Variants in NELFB observed in about 807,000 individuals in gnomAD.
The protein encoded by NELFB is negative elongation factor complex member B, also known as negative elongation factor B.
NELFB carries 34 observed loss-of-function variants against 60.2 expected under a neutral mutation model. The observed-to-expected ratio is 0.56, with a 90% CI of 0.43 to 0.75. NELFB has a LOEUF of 0.75. Ranked by LOEUF, NELFB falls within the 30% of genes least tolerant of loss-of-function variation. The probability of loss-of-function intolerance (pLI) is 0.00; values close to 1 mark genes in which losing one functional copy is unlikely to be tolerated. For missense variants in NELFB, 770 were observed against 831.6 expected (o/e 0.93, Z 0.91); for synonymous variants, 459 against 382.1 (o/e 1.20, Z -2.35).
intron 8 of NELFB, 68 bp downstream of exon 8, chr9:137,266,494 GGGAGGCGCTAGCAAGGTGATTGT>G: frequency 7.3e-7 from 1 of 1,366,770 alleles, no homozygotes; most frequent in Non-Finnish European, 1.0e-6. Context: ...GGGGTGGAGG[GGGAGGCGCTAGCAAGGTGATTGT>G]GGAGGCCCCT....
chr9:137,256,778 C>A, intron 3 of NELFB, 46 bp from the exon 4 acceptor site: 1 of 1,586,562 alleles, frequency 6.3e-7, no homozygotes, highest in Non-Finnish European at 8.6e-7. Context: ...TGAAGGAGAC[C>A]CAGGGACACA....
Position 137,265,893 on chromosome 9 carries a change from C to T in NELFB, c.1057C>T (p.Leu353=), listed in dbSNP as rs1389305240. 1.2e-6 allele frequency: 2 copies of T among 1,612,776 alleles called. No individual in the cohort carries two copies. The highest frequency in any genetic ancestry group is 2.2e-5 in the East Asian group (1 of 44,894). ...TCCTTCCAGGGACCTGTCCATGATC[C>T]TGTGTGACCCCTTCGCCATCAACAC... The change falls in exon 7 of 13, where the codon CTG becomes TTG. Residue 353 remains leucine, a synonymous_variant. Transcript: ENST00000343053.
chr9:137,272,665 C>CGT, intron 12 of NELFB, 50 bp downstream of exon 12: 1 of 1,541,582 alleles, frequency 6.5e-7, no homozygotes, highest in Non-Finnish European at 8.8e-7. Context: ...CCTACCAGCC[C>CGT]GTGTGTGCTT....
At chr9:137,261,842 G>A (rs921430420) in intron 4 of NELFB, among the ~76,000 whole-genome samples, 2 of 151,960 alleles carry the variant, frequency 1.3e-5, no homozygotes, top group Admixed American at 1.3e-4. Flanking sequence ...GGCCCCGAAT[G>A]TCAGGCTGCG....
intron 4 of NELFB, among the ~76,000 whole-genome samples, chr9:137,257,997 G>A (rs535758049): frequency 2.0e-5 from 3 of 151,250 alleles, no homozygotes; most frequent in Non-Finnish European, 2.9e-5. Context: ...TAGAGGTGGG[G>A]TCTGGCTATG....
In NELFB at chr9:137,255,341, C is replaced by G; in HGVS notation, c.-25C>G. 1 of 369,802 alleles carries G rather than the reference C, an allele frequency of 2.7e-6. No individual in the cohort carries two copies. Among genetic ancestry groups the G allele is most frequent in the Non-Finnish European group, 4.5e-6 (1 of 221,104 alleles). 22.9% of individuals were successfully genotyped at this position (369,802 alleles called of 1,614,324 possible). On this transcript the variant is annotated 5_prime_UTR_variant, in exon 1 of 13. Coordinates refer to ENST00000343053, the MANE Select transcript of NELFB (RefSeq NM_015456.5). ...CGGAAGTGGGCGGCTGCGGGACGCGCGCGGAGTCGCGCGGCGGGCGGGACC... is the reference window on the plus strand; with the variant it reads ...CGGAAGTGGGCGGCTGCGGGACGCGGGCGGAGTCGCGCGGCGGGCGGGACC...
chr9:137,258,830 G>GA (rs59837239), intron 4 of NELFB, among the ~76,000 whole-genome samples: 6 of 150,276 alleles, frequency 4.0e-5, no homozygotes, highest in Non-Finnish European at 7.4e-5. Flanking sequence ...TCCACATTAA[G>GA]AAAAAAAAAT....
In NELFB at chr9:137,267,005, C is replaced by T; in HGVS notation, c.1301C>T (p.Thr434Ile). 1 of 1,614,054 alleles carries T rather than the reference C, an allele frequency of 6.2e-7. No homozygotes were observed. ...ATGTCCTTCCTGGTGGATGACTACA[C>T]TTTCAATGTGGATCAGAAACTTCCG... Residue 434 changes from threonine (T) to isoleucine (I), a missense_variant, in exon 9 of 13, where the codon ACT becomes ATT. Coordinates refer to ENST00000343053, the MANE Select transcript of NELFB (RefSeq NM_015456.5).
At chr9:137,271,650 C>T (rs906130083) in intron 10 of NELFB, among the ~76,000 whole-genome samples, 3 of 152,208 alleles carry the variant, frequency 2.0e-5, no homozygotes, top group African/African-American at 7.2e-5. Context: ...AGGGAGAACT[C>T]TCTGCAGCTG....
In NELFB at chr9:137,256,029, G is replaced by T; in HGVS notation, c.369G>T (p.Glu123Asp). 6.2e-7 allele frequency: 1 copy of T among 1,613,830 alleles called. No individual in the cohort carries two copies. The highest frequency in any genetic ancestry group is 8.5e-7 in the Non-Finnish European group (1 of 1,180,024). ...ATGAGCTGCGGGACAAGCTGCTGGA[G>T]CGAGTGTCAGCCATCGCTTCGGAGG... Residue 123 changes from glutamate to aspartate, a missense_variant, in exon 2 of 13, where the codon GAG becomes GAT. By Grantham distance (45) the Glu-to-Asp change is conservative. Coordinates refer to ENST00000343053, the MANE Select transcript of NELFB (RefSeq NM_015456.5).
At chr9:137,267,400 T>C (rs1488642286) in intron 10 of NELFB, 54 bp downstream of exon 10, 2 of 1,518,720 alleles carry the variant, frequency 1.3e-6, no homozygotes, top group African/African-American at 2.8e-5. Context: ...AGCTGCCGTA[T>C]GCAGTCCTGC....
chr9:137,272,728 G>C, intron 12 of NELFB, 54 bp from the exon 13 acceptor site: 1 of 1,518,452 alleles, frequency 6.6e-7, no homozygotes, highest in Non-Finnish European at 8.9e-7. Context: ...CCACCCCTGT[G>C]CCCCCTGGGC....
chr9:137,270,085 G>A lies in NELFB; in HGVS notation c.1490-1996G>A, dbSNP rs550265069. On this transcript the variant is annotated intron_variant, in intron 10 of 12. Transcript: ENST00000343053. ...CCCGGGGTCCACGTGGGGTCTGCGT[G>A]TGGCCGCCTGTCCCTCAGCACGATG... is the stretch of plus-strand genomic sequence containing the variant. 2.3e-3 allele frequency among the ~76,000 whole-genome samples: 348 copies of A among 152,270 alleles called. 2 individuals are homozygous for A. The highest frequency in any genetic ancestry group is 7.9e-3 in the African/African-American group (327 of 41,548).
chr9:137,258,472 A>T (rs1693801910), intron 4 of NELFB, among the ~76,000 whole-genome samples: 2 of 147,280 alleles, frequency 1.4e-5, no homozygotes, highest in Admixed American at 1.4e-4. Flanking sequence ...TTTTTGAGAC[A>T]GAGTCTTGCT....
rs932794672 is a variant in NELFB, at chr9:137,272,447, C to T, written c.1632-60C>T. 5.2e-6 allele frequency: 8 copies of T among 1,533,260 alleles called. No homozygotes were observed. In the Admixed American group the frequency reaches 5.7e-5, roughly 11 times the overall value. 95.0% of individuals were successfully genotyped at this position (1,533,260 alleles called of 1,614,324 possible). Reference sequence around the variant, plus strand: ...GGGGCCTTGGCCACCTGCATCTGGGCTGGGCCTGGGCAGACAGCAGGGCCT... The same window carrying T: ...GGGGCCTTGGCCACCTGCATCTGGGTTGGGCCTGGGCAGACAGCAGGGCCT... On this transcript the variant is annotated intron_variant, in intron 11 of 12. Coordinates refer to ENST00000343053, the MANE Select transcript of NELFB (RefSeq NM_015456.5).
At chr9:137,255,859 T>G (rs1588883435) in intron 1 of NELFB, 48 bp from the exon 2 acceptor site, 6 of 1,599,158 alleles carry the variant, frequency 3.8e-6, no homozygotes, top group Non-Finnish European at 3.4e-6. Context: ...GACCTCGGGG[T>G]GCCCGGGCGC....
In NELFB at chr9:137,256,079, G is replaced by C. The variant is rs1440350138; in HGVS notation, c.410+9G>C. ...GGGAAGGCTGAGGAAAGGTGGGTCA[G>C]CGGGAGGGGTGGGCAGGTGAGATGT... is the stretch of plus-strand genomic sequence containing the variant. On this transcript the variant is annotated intron_variant, in intron 2 of 12. Transcript: ENST00000343053. 6.2e-7 allele frequency: 1 copy of C among 1,611,736 alleles called. No individual in the cohort carries two copies. Among genetic ancestry groups the C allele is most frequent in the Non-Finnish European group, 8.5e-7 (1 of 1,178,708 alleles).
chr9:137,264,898 G>C (rs1206095770), intron 6 of NELFB, among the ~76,000 whole-genome samples: 1 of 152,198 alleles, frequency 6.6e-6, no homozygotes. Context: ...CAGGGGCTGG[G>C]GTCTGGTGTC....
intron 4 of NELFB, among the ~76,000 whole-genome samples, chr9:137,259,513 C>T (rs1054879096): frequency 2.0e-5 from 3 of 152,104 alleles, no homozygotes; most frequent in African/African-American, 7.2e-5. Context: ...CTGTGGGGTG[C>T]CCTGCATTTC....
Sources: gnomAD v4.1 joint callset for allele counts (sites outside exome capture counted in the v4.1 genomes callset) on GRCh38, gnomAD v4.1.1 for gene constraint, MANE v1.5 for transcripts, NCBI Gene and HGNC (gene_info 2026-07-23, HGNC 2026-07-21) for gene names.